ZBTB20: variants seen among roughly 807,000 people sequenced by gnomAD.
The protein encoded by ZBTB20 is zinc finger and BTB domain-containing protein 20.
In ZBTB20, 9 loss-of-function variants were observed where a neutral mutation model predicts 56.9. The ratio of observed to expected loss-of-function variants is 0.16; its 90% confidence interval spans 0.10 to 0.28. ZBTB20 has a LOEUF of 0.28. ZBTB20 is among the 10% of genes least tolerant of loss of function. The probability of loss-of-function intolerance (pLI) is 1.00; values close to 1 mark genes in which losing one functional copy is unlikely to be tolerated. For synonymous variants in ZBTB20, 417 were observed against 420.7 expected (o/e 0.99, Z 0.11); for missense variants, 655 against 1,003.0 (o/e 0.65, Z 4.69).
chr3:115,129,050 G>A (rs1420911562), intron 1 of ZBTB20, among the ~76,000 whole-genome samples: 2 of 151,904 alleles, frequency 1.3e-5, no homozygotes, highest in African/African-American at 4.8e-5. Context: ...AGTGAGCCGA[G>A]ATTGCACCAC....
chr3:115,142,009 T>G (rs989439920), intron 1 of ZBTB20, among the ~76,000 whole-genome samples: 6 of 152,220 alleles, frequency 3.9e-5, no homozygotes, highest in Non-Finnish European at 8.8e-5. Context: ...ATTTCACAGG[T>G]TGGCTGGTAA....
At chr3:115,088,387 C>G (rs1054973164) in intron 1 of ZBTB20, among the ~76,000 whole-genome samples, 2 of 151,692 alleles carry the variant, frequency 1.3e-5, no homozygotes, top group African/African-American at 4.8e-5. Context: ...AAAGACAAGA[C>G]CATAACCCTG....
At chr3:115,128,550 G>A (rs972435563) in intron 1 of ZBTB20, among the ~76,000 whole-genome samples, 1 of 151,760 alleles carries the variant, frequency 6.6e-6, no homozygotes, top group African/African-American at 2.4e-5. Context: ...TGTAATCCTA[G>A]CTACTCGGGA....
chr3:114,708,198 C>CA (rs1255989797), intron 5 of ZBTB20, among the ~76,000 whole-genome samples: 1 of 152,082 alleles, frequency 6.6e-6, no homozygotes, highest in African/African-American at 2.4e-5. Context: ...TAAATGACTA[C>CA]AAAAATGTTT....
At chr3:114,849,155 CT>C (rs1289389677) in intron 4 of ZBTB20, among the ~76,000 whole-genome samples, 1 of 152,110 alleles carries the variant, frequency 6.6e-6, no homozygotes, top group East Asian at 1.9e-4. Flanking sequence ...GTTTTCTTTT[CT>C]TTTTTCTTTT....
At chr3:114,565,026 G>A (rs2052551035) in intron 6 of ZBTB20, among the ~76,000 whole-genome samples, 1 of 152,018 alleles carries the variant, frequency 6.6e-6, no homozygotes, top group Admixed American at 6.6e-5. Flanking sequence ...AAACATTTAA[G>A]CCTCATCAGC....
At chr3:115,029,288 A>G (rs1576602042) in intron 2 of ZBTB20, among the ~76,000 whole-genome samples, 2 of 150,770 alleles carry the variant, frequency 1.3e-5, no homozygotes, top group East Asian at 3.9e-4. Flanking sequence ...ATTCTCCCTA[A>G]AACAGTTCAT....
intron 1 of ZBTB20, among the ~76,000 whole-genome samples, chr3:115,089,450 T>C (rs2083107703): frequency 6.6e-6 from 1 of 151,820 alleles, no homozygotes; most frequent in Non-Finnish European, 1.5e-5. Context: ...GAATTCTACA[T>C]CCAGCTAAAA....
Position 115,126,434 on chromosome 3 carries a change from A to G in ZBTB20, c.-703+20785T>C, listed in dbSNP as rs113518323. ...GTTTATTCTAGCACCATTCACAGCC[A>G]CAATAAAAGGGAAACAACTCAAATG... On this transcript the variant is annotated intron_variant, in intron 1 of 11. Coordinates refer to ENST00000675478, the MANE Select transcript of ZBTB20 (RefSeq NM_001348800.3). 6.6e-3 allele frequency among the ~76,000 whole-genome samples: 1,009 copies of G among 152,288 alleles called. 13 individuals carry two copies. Among genetic ancestry groups the G allele is most frequent in the African/African-American group, 0.022 (928 of 41,564 alleles).
chr3:115,135,169 CA>C (rs1384241646), intron 1 of ZBTB20, among the ~76,000 whole-genome samples: 2 of 152,216 alleles, frequency 1.3e-5, no homozygotes, highest in Non-Finnish European at 2.9e-5. Context: ...GCAGAAGTTT[CA>C]AAGCAGTGTT....
intron 4 of ZBTB20, among the ~76,000 whole-genome samples, chr3:114,891,455 C>A (rs2076803981): frequency 6.6e-6 from 1 of 152,126 alleles, no homozygotes; most frequent in African/African-American, 2.4e-5. Context: ...TGTAGTCATG[C>A]CTTGAAACAT....
At chr3:114,861,480 A>C (rs11719469) in intron 4 of ZBTB20, among the ~76,000 whole-genome samples, 37,120 of 151,846 alleles carry the variant, frequency 0.24, 4,930 homozygotes, top group Middle Eastern at 0.31. Context: ...TTTTCTGCTG[A>C]TAAGAGAAGG....
intron 6 of ZBTB20, among the ~76,000 whole-genome samples, chr3:114,567,347 T>C (rs1188391088): frequency 6.6e-6 from 1 of 152,180 alleles, no homozygotes; most frequent in Non-Finnish European, 1.5e-5. Context: ...CTTGTAAATA[T>C]GAAATGACAC....
chr3:114,557,780 T>C (rs1482462458), intron 6 of ZBTB20, among the ~76,000 whole-genome samples: 1 of 151,872 alleles, frequency 6.6e-6, no homozygotes, highest in East Asian at 1.9e-4. Flanking sequence ...TATATGAATG[T>C]GATTGAGAAA....
At position 114,983,697 on chromosome 3, in the gene ZBTB20, C is replaced by A. The variant is rs185969021; in HGVS notation, c.-506-9281G>T. 2.3e-3 allele frequency among the ~76,000 whole-genome samples: 355 copies of A among 152,056 alleles called. 2 individuals carry two copies. Among genetic ancestry groups the A allele is most frequent in the African/African-American group, 8.4e-3 (349 of 41,510 alleles). ...TCTGTGATATAAAATATATTAACAG[C>A]TATAGACTAGGAATTTTTACATTTA... On this transcript the variant is annotated intron_variant, in intron 2 of 11. Coordinates refer to ENST00000675478, the MANE Select transcript of ZBTB20 (RefSeq NM_001348800.3).
chr3:114,863,320 T>C (rs906384878), intron 4 of ZBTB20, among the ~76,000 whole-genome samples: 3 of 152,164 alleles, frequency 2.0e-5, no homozygotes, highest in Non-Finnish European at 2.9e-5. Flanking sequence ...TAGTTATTCA[T>C]ATTGCCAGTT....
chr3:114,856,645 C>T (rs917892986), intron 4 of ZBTB20, among the ~76,000 whole-genome samples: 5 of 152,096 alleles, frequency 3.3e-5, no homozygotes, highest in African/African-American at 9.7e-5. Context: ...TAATATTATA[C>T]TCGGCTTATG....
intron 6 of ZBTB20, among the ~76,000 whole-genome samples, chr3:114,662,432 G>C (rs2108088222): frequency 6.9e-6 from 1 of 144,850 alleles, no homozygotes; most frequent in Non-Finnish European, 1.5e-5. Flanking sequence ...TAATGGGATG[G>C]CTGGGTCAAA....
At chr3:114,886,608 C>A (rs760444491) in intron 4 of ZBTB20, among the ~76,000 whole-genome samples, 1 of 152,182 alleles carries the variant, frequency 6.6e-6, no homozygotes, top group Non-Finnish European at 1.5e-5. Flanking sequence ...CATGGATTGA[C>A]AGAAAAGTTG....
Sources: allele counts gnomAD v4.1 joint callset (sites outside exome capture counted in the v4.1 genomes callset), GRCh38; gene constraint gnomAD v4.1.1; transcripts MANE v1.5; gene names NCBI Gene and HGNC (gene_info 2026-07-23, HGNC 2026-07-21).